IL17B: variants seen among roughly 807,000 people sequenced by gnomAD.
The protein encoded by IL17B is interleukin 17B.
In IL17B, 14 loss-of-function variants were observed where a neutral mutation model predicts 14.7. The observed-to-expected ratio is 0.95, with a 90% CI of 0.63 to 1.49. The LOEUF (loss-of-function observed/expected upper bound fraction) is 1.49. Among genes scored for constraint, IL17B ranks in the 40% most tolerant of loss-of-function variants. IL17B has a pLI of 0.00. For missense variants in IL17B, 233 were observed against 252.8 expected (o/e 0.92, Z 0.53); for synonymous variants, 105 against 94.8 (o/e 1.11, Z -0.62).
At chr5:149,375,809 G>T (rs1014145295) in intron 2 of IL17B, among the ~76,000 whole-genome samples, 1 of 152,174 alleles carries the variant, frequency 6.6e-6, no homozygotes, top group Non-Finnish European at 1.5e-5. Flanking sequence ...AGCCCAGGAG[G>T]CAGAGGCTGC....
chr5:149,392,989 CGT>C (rs1408179611), intron 1 of IL17B, among the ~76,000 whole-genome samples: 3 of 145,286 alleles, frequency 2.1e-5, no homozygotes, highest in East Asian at 2.0e-4. Flanking sequence ...TGTGTGTGTG[CGT>C]GTGTGTGCTG....
At position 149,387,559 on chromosome 5, in the gene IL17B, A is replaced by G. The variant is rs559418928; in HGVS notation, n.96-10534T>C. 3.6e-3 allele frequency among the ~76,000 whole-genome samples: 550 copies of G among 152,284 alleles called. 6 individuals carry two copies. Among genetic ancestry groups the G allele is most frequent in the Non-Finnish European group, 2.8e-3 (189 of 68,030 alleles). ...CGAGGCAGGAGAATTGCTTGAGGTC[A>G]GGAGTTCAAGATGAGTTCTGGCAAC... On this transcript the variant is annotated intron_variant and non_coding_transcript_variant, in intron 1 of 2. Coordinates refer to the IL17B transcript ENST00000505432.
At chr5:149,383,253 A>G (rs552415787), upstream of IL17B, among the ~76,000 whole-genome samples, 21 of 152,382 alleles carry the variant, frequency 1.4e-4, no homozygotes, top group African/African-American at 4.1e-4. Context: ...TCCTACAGTT[A>G]AAATGAGTTT....
chr5:149,390,664 A>G (rs1758929723), intron 1 of IL17B, among the ~76,000 whole-genome samples: 1 of 147,562 alleles, frequency 6.8e-6, no homozygotes, highest in African/African-American at 2.5e-5. Context: ...TCCCTTCGCC[A>G]ACCCAGCTCT....
chr5:149,379,055 G>A (rs1470426183), intron 1 of IL17B, 150 bp downstream of exon 1: 6 of 958,624 alleles, frequency 6.3e-6, no homozygotes, highest in Non-Finnish European at 9.7e-6. Context: ...ACCAGTCTCT[G>A]TTTCTTTCTA....
rs1261455602 is a variant in IL17B at position 149,376,696 on chromosome 5, C to T, written c.311+40G>A. ...AATGACTGGGGCACAGGAAAGGTCC[C>T]CACCCCCCAAAGACAGCTTGCCACC... is the stretch of plus-strand genomic sequence containing the variant. On this transcript the variant is annotated intron_variant, in intron 2 of 2. Coordinates refer to ENST00000261796, the MANE Select transcript of IL17B (RefSeq NM_014443.3). The T allele has an allele frequency of 3.8e-6, 6 of 1,560,960 alleles. No homozygotes were observed. In the Admixed American group the frequency reaches 9.4e-5, roughly 24 times the overall value.
At chr5:149,384,278 AC>A (rs1289350975), upstream of IL17B, among the ~76,000 whole-genome samples, 1 of 151,926 alleles carries the variant, frequency 6.6e-6, no homozygotes. Flanking sequence ...GGTCATGTCC[AC>A]CCCCCTCACT....
chr5:149,376,863 ACTC>A lies in IL17B; in HGVS notation c.181_183del (p.Glu61del), dbSNP rs1356166948. 2 of 1,612,962 alleles carry A rather than the reference ACTC, an allele frequency of 1.2e-6. No individual in the cohort carries two copies. Among genetic ancestry groups the A allele is most frequent in the African/African-American group, 2.7e-5 (2 of 74,532 alleles). On this transcript the variant is annotated inframe_deletion, in exon 2 of 3. Coordinates refer to ENST00000261796, the MANE Select transcript of IL17B (RefSeq NM_014443.3). ...ACCATCTCCTCGATGTTCCTCTCAT[ACTC>A]CTCCATGCGGGCATACGGTTTCATC...
intron 1 of IL17B, among the ~76,000 whole-genome samples, chr5:149,401,476 G>A (rs1338860506): frequency 4.6e-5 from 7 of 152,144 alleles, no homozygotes; most frequent in South Asian, 2.1e-4. Context: ...AGGCTGAGGC[G>A]GGTGGATCAC....
chr5:149,376,705 A>G, intron 2 of IL17B, 31 bp downstream of exon 2: 1 of 1,573,196 alleles, frequency 6.4e-7, no homozygotes. Flanking sequence ...CCCACCCCCC[A>G]AAGACAGCTT....
chr5:149,395,201 T>TC (rs1400577709), intron 1 of IL17B, among the ~76,000 whole-genome samples: 1 of 151,832 alleles, frequency 6.6e-6, no homozygotes. Context: ...GATCTCTCTC[T>TC]TTTTTTAATG....
chr5:149,385,442 C>T (rs1040358687), intron 1 of IL17B, among the ~76,000 whole-genome samples: 2 of 152,216 alleles, frequency 1.3e-5, no homozygotes, highest in Admixed American at 6.5e-5. Flanking sequence ...CCGTACGCGG[C>T]CAGTTTTTGA....
chr5:149,390,628 C>CAGAG (rs1253315663), intron 1 of IL17B, among the ~76,000 whole-genome samples: 25 of 137,698 alleles, frequency 1.8e-4, no homozygotes, highest in African/African-American at 7.0e-4. Context: ...CACACACACA[C>CAGAG]ACAGAGATAC....
upstream of IL17B, chr5:149,379,332 G>A (rs1332927223): frequency 1.5e-6 from 2 of 1,297,024 alleles, no homozygotes; most frequent in East Asian, 2.4e-5. Context: ...TAGCTCAACT[G>A]GGGGCTGCTG....
At chr5:149,401,326 A>T (rs552385678) in intron 1 of IL17B, among the ~76,000 whole-genome samples, 40 of 152,368 alleles carry the variant, frequency 2.6e-4, no homozygotes, top group African/African-American at 8.9e-4. Flanking sequence ...ATGGACACTG[A>T]ATTAAATTTT....
In IL17B at chr5:149,402,689, T is replaced by TAAA. The variant is rs370816490; in HGVS notation, n.95+1416_95+1418dup. Among the ~76,000 whole-genome samples, 1,001 of 139,134 alleles carry TAAA rather than the reference T, an allele frequency of 7.2e-3. 7 individuals are homozygous for TAAA. Among genetic ancestry groups the TAAA allele is most frequent in the African/African-American group, 0.024 (888 of 37,042 alleles). The allele number at this position is 139,134 out of a possible 152,430, so 91.3% of individuals were successfully genotyped here. On this transcript the variant is annotated intron_variant and non_coding_transcript_variant, in intron 1 of 2. Coordinates refer to the IL17B transcript ENST00000505432. ...TTTATCTTCTTTAATACCATGCTTT[T>TAAA]AAAAAAAAAAAAAAAAAAAGAACAA... is the stretch of plus-strand genomic sequence containing the variant.
intron 1 of IL17B, among the ~76,000 whole-genome samples, chr5:149,396,556 G>A (rs1438723599): frequency 1.3e-5 from 2 of 152,146 alleles, no homozygotes; most frequent in African/African-American, 2.4e-5. Flanking sequence ...AGGAATTTGA[G>A]ACCAGCCTGG....
At chr5:149,388,854 G>A (rs1758881674) in intron 1 of IL17B, among the ~76,000 whole-genome samples, 1 of 152,182 alleles carries the variant, frequency 6.6e-6, no homozygotes, top group Non-Finnish European at 1.5e-5. Flanking sequence ...CAAAAATCAG[G>A]TTCTGGAGTC....
Position 149,376,878 on chromosome 5 carries a change from C to T in IL17B, c.169G>A (p.Ala57Thr). ...TTCCTCTCATACTCCTCCATGCGGG[C>T]ATACGGTTTCATCCGTGACACCAGG... The part of the protein sequence containing the change: ...LDLVSRMKPY[A>T]RMEEYERNIE... Residue 57 changes from alanine (A) to threonine (T), a missense_variant, in exon 2 of 3, where the codon GCC becomes ACC. By Grantham distance (58) the Ala-to-Thr change is moderately conservative. Coordinates refer to ENST00000261796, the MANE Select transcript of IL17B (RefSeq NM_014443.3). The T allele has an allele frequency of 6.2e-7, 1 of 1,614,176 alleles. No homozygotes were observed. The highest frequency in any genetic ancestry group is 2.2e-5 in the East Asian group (1 of 44,868).
Sources: allele counts gnomAD v4.1 joint callset (sites outside exome capture counted in the v4.1 genomes callset), GRCh38; gene constraint gnomAD v4.1.1; transcripts MANE v1.5; gene names NCBI Gene and HGNC (gene_info 2026-07-23, HGNC 2026-07-21).